The following UNC5D variants were observed in gnomAD, a reference collection of about 807,000 sequenced individuals.
UNC5D encodes the protein unc-5 netrin receptor D.
Under a neutral mutation model 105.4 loss-of-function variants are expected in UNC5D, and 39 were observed. The ratio of observed to expected loss-of-function variants is 0.37; its 90% confidence interval spans 0.29 to 0.48. The LOEUF is 0.48. UNC5D is among the 20% of genes least tolerant of loss of function. UNC5D has a pLI of 0.98. For missense variants in UNC5D, 991 were observed against 1,202.4 expected, an observed-to-expected ratio of 0.82 and a Z score of 2.60; for synonymous variants, 452 against 450.4, an observed-to-expected ratio of 1.00 and a Z score of -0.04.
At chr8:35,704,129 CT>C (rs1827382378) in intron 7 of UNC5D, among the ~76,000 whole-genome samples, 1 of 152,090 alleles carries the variant, frequency 6.6e-6, no homozygotes, top group Non-Finnish European at 1.5e-5. Flanking sequence ...AAGGATTTTT[CT>C]TTTTAAAGAA....
At chr8:35,569,257 C>T (rs1396176093) in intron 3 of UNC5D, among the ~76,000 whole-genome samples, 1 of 152,132 alleles carries the variant, frequency 6.6e-6, no homozygotes. Context: ...CCATGGATCC[C>T]CATAAAACCT....
chr8:35,579,822 G>T (rs1017619072), intron 3 of UNC5D, among the ~76,000 whole-genome samples: 1 of 152,170 alleles, frequency 6.6e-6, no homozygotes, highest in Non-Finnish European at 1.5e-5. Context: ...AGGCAGTGAT[G>T]CTATCATACT....
intron 11 of UNC5D, among the ~76,000 whole-genome samples, chr8:35,738,199 T>G (rs1358988162): frequency 1.3e-5 from 2 of 152,216 alleles, no homozygotes; most frequent in Admixed American, 6.5e-5. Flanking sequence ...TTCCAAGCCC[T>G]TCTCAGTAAC....
intron 4 of UNC5D, among the ~76,000 whole-genome samples, chr8:35,612,064 C>T (rs1820720590): frequency 6.6e-6 from 1 of 152,196 alleles, no homozygotes; most frequent in Admixed American, 6.5e-5. Flanking sequence ...TAATTCTGCT[C>T]ACATCAAGGT....
chr8:35,547,554 C>T (rs556297487), intron 1 of UNC5D, among the ~76,000 whole-genome samples: 4 of 152,332 alleles, frequency 2.6e-5, no homozygotes, highest in South Asian at 2.1e-4. Context: ...CTGCCTAGCC[C>T]TCTCAAAGTG....
intron 11 of UNC5D, among the ~76,000 whole-genome samples, chr8:35,732,091 G>A (rs748901900): frequency 1.3e-5 from 2 of 152,072 alleles, no homozygotes; most frequent in Non-Finnish European, 2.9e-5. Flanking sequence ...AGCATTTTTA[G>A]TTATAACATC....
chr8:35,747,651 C>A (rs1830070268), intron 11 of UNC5D, among the ~76,000 whole-genome samples: 2 of 152,146 alleles, frequency 1.3e-5, no homozygotes, highest in Non-Finnish European at 1.5e-5. Flanking sequence ...CATCTGGGTT[C>A]TTCTCGCTGA....
chr8:35,538,390 AATAATTATATATATATATATATATAT>A (rs1046551654), intron 1 of UNC5D, among the ~76,000 whole-genome samples: 3 of 111,862 alleles, frequency 2.7e-5, no homozygotes, highest in African/African-American at 3.7e-5. Context: ...TTTAAAAAAA[AATAATTATATATATATATATATATAT>A]ATATATATAT....
In UNC5D at chr8:35,235,905, C is replaced by T. The variant is rs1330542313; in HGVS notation, c.103+18C>T. The T allele has an allele frequency of 1.7e-6, 2 of 1,207,504 alleles. No homozygotes were observed. The highest frequency in any genetic ancestry group is 2.0e-6 in the Non-Finnish European group (2 of 978,592). 74.8% of individuals were successfully genotyped at this position (1,207,504 alleles called of 1,614,324 possible). A position where few individuals can be genotyped will look rare whatever the true frequency, so the allele number is the denominator to read the frequency against. On this transcript the variant is annotated intron_variant, in intron 1 of 16. Coordinates refer to ENST00000404895, the MANE Select transcript of UNC5D (RefSeq NM_080872.4). ...TGCCCGAGGTAAGCGCTGGGCGGAGCGGGCAGCTGGGGGCGAGGGCGCAGG... is the reference window on the plus strand; with the variant it reads ...TGCCCGAGGTAAGCGCTGGGCGGAGTGGGCAGCTGGGGGCGAGGGCGCAGG...
intron 11 of UNC5D, among the ~76,000 whole-genome samples, chr8:35,732,002 ATGT>A (rs1202447524): frequency 6.6e-6 from 1 of 152,196 alleles, no homozygotes; most frequent in Non-Finnish European, 1.5e-5. Flanking sequence ...ATTTTTGGAA[ATGT>A]TGTCTTCCTC....
chr8:35,264,778 T>A (rs1804737417), intron 1 of UNC5D, among the ~76,000 whole-genome samples: 3 of 151,844 alleles, frequency 2.0e-5, no homozygotes, highest in Admixed American at 2.0e-4. Flanking sequence ...AAGCTTTTTT[T>A]ATATATAAAG....
chr8:35,659,972 G>A (rs983508544), intron 4 of UNC5D, among the ~76,000 whole-genome samples: 1 of 152,164 alleles, frequency 6.6e-6, no homozygotes, highest in South Asian at 2.1e-4. Context: ...AACCATTTAA[G>A]GGATATGATT....
At chr8:35,503,757 C>T (rs1812120837) in intron 1 of UNC5D, among the ~76,000 whole-genome samples, 1 of 152,092 alleles carries the variant, frequency 6.6e-6, no homozygotes, top group Admixed American at 6.5e-5. Flanking sequence ...CCTGGTGTTG[C>T]TCCCTCTGAA....
At chr8:35,586,611 T>C (rs907985345) in intron 3 of UNC5D, among the ~76,000 whole-genome samples, 5 of 152,188 alleles carry the variant, frequency 3.3e-5, no homozygotes, top group Non-Finnish European at 7.3e-5. Context: ...TTTTCTTTTA[T>C]GTCTGACAAA....
intron 2 of UNC5D, 107 bp downstream of exon 2, chr8:35,549,617 G>A (rs2130688322): frequency 9.4e-7 from 1 of 1,060,392 alleles, no homozygotes; most frequent in South Asian, 1.6e-5. Context: ...TTGTGTGAAT[G>A]AGGTCATAGT....
intron 1 of UNC5D, among the ~76,000 whole-genome samples, chr8:35,488,838 C>G (rs1268852808): frequency 6.6e-6 from 1 of 152,132 alleles, no homozygotes; most frequent in East Asian, 1.9e-4. Flanking sequence ...CACTTCAGTT[C>G]TCAACCACAC....
At chr8:35,551,409 T>C (rs1276745672) in intron 2 of UNC5D, among the ~76,000 whole-genome samples, 3 of 152,078 alleles carry the variant, frequency 2.0e-5, no homozygotes, top group Non-Finnish European at 4.4e-5. Flanking sequence ...AACGAAGCCA[T>C]GTGGGTGGAA....
chr8:35,304,198 C>T (rs554688153), intron 1 of UNC5D, among the ~76,000 whole-genome samples: 23 of 152,052 alleles, frequency 1.5e-4, no homozygotes, highest in African/African-American at 4.3e-4. Flanking sequence ...ACCCCACAAA[C>T]ACACTGGTTT....
intron 4 of UNC5D, among the ~76,000 whole-genome samples, chr8:35,682,565 G>A (rs1825740487): frequency 6.6e-6 from 1 of 152,196 alleles, no homozygotes; most frequent in South Asian, 2.1e-4. Flanking sequence ...AGAGGCACTA[G>A]AGAGTAGAGA....
Sources: allele counts gnomAD v4.1 joint callset (sites outside exome capture counted in the v4.1 genomes callset), GRCh38; gene constraint gnomAD v4.1.1; transcripts MANE v1.5; gene names NCBI Gene and HGNC (gene_info 2026-07-23, HGNC 2026-07-21).